Variants in RWDD3 observed in about 807,000 individuals in gnomAD.
RWDD3 encodes RWD domain-containing protein 3.
RWDD3 carries 30 observed loss-of-function variants against 26.5 expected under a neutral mutation model. The ratio of observed to expected loss-of-function variants is 1.13; its 90% CI spans 0.85 to 1.54. The LOEUF (loss-of-function observed/expected upper bound fraction) is 1.54, where lower values mean the gene tolerates loss of function less well. Ranked by LOEUF, RWDD3 falls within the 40% of genes most tolerant of loss-of-function variation. RWDD3 has a pLI of 0.00. For synonymous variants in RWDD3, 113 were observed against 114.5 expected (o/e 0.99, Z 0.09); for missense variants, 296 against 309.1 (o/e 0.96, Z 0.32).
intron 2 of RWDD3, chr1:95,246,155 C>G (rs530475053): frequency 6.3e-6 from 1 of 157,704 alleles, no homozygotes; most frequent in Admixed American, 6.3e-5. Context: ...GGCGCTATAT[C>G]TAGATACTCC....
upstream of RWDD3, chr1:95,234,161 G>C (rs1680172607): frequency 1.3e-6 from 2 of 1,493,756 alleles, no homozygotes; most frequent in Admixed American, 2.0e-5. Flanking sequence ...GGGCAGTGCT[G>C]CTCCTGGCCG....
At position 95,244,217 on chromosome 1, in the gene RWDD3, A is replaced by G. The variant is rs755803857; in HGVS notation, c.92A>G (p.Asp31Gly). 134 of 1,613,400 alleles carry G rather than the reference A, an allele frequency of 8.3e-5. No homozygotes were observed. Among genetic ancestry groups the G allele is most frequent in the Admixed American group, 1.2e-4 (7 of 60,002 alleles). Residue 31 changes from aspartate (D) to glycine (G), a missense_variant, in exon 2 of 4, where the codon GAT (aspartate) becomes GGT (glycine). Coordinates refer to ENST00000370202, the MANE Select transcript of RWDD3 (RefSeq NM_015485.5). ...ATTTTTGGATGCCTTCCAGAGACAGATGGGACCGTGTTCAGAATTCACACA... is the reference window on the plus strand; with the variant it reads ...ATTTTTGGATGCCTTCCAGAGACAGGTGGGACCGTGTTCAGAATTCACACA... ...EWEVLSRSETDGTVFRIHTKA... is the reference protein window; with the variant it reads ...EWEVLSRSETGGTVFRIHTKA...
chr1:95,235,263 A>G (rs1234285445), intron 1 of RWDD3, among the ~76,000 whole-genome samples: 1 of 145,044 alleles, frequency 6.9e-6, no homozygotes, highest in African/African-American at 2.6e-5. Flanking sequence ...CGTGTTAGCC[A>G]GGATGGTCTC....
At position 95,234,275 on chromosome 1, in the gene RWDD3, T is replaced by A. The variant is rs1451450580; in HGVS notation, c.45T>A (p.Ile15=). The A allele has an allele frequency of 6.3e-7, 1 of 1,599,544 alleles. No individual in the cohort carries two copies. The highest frequency in any genetic ancestry group is 1.1e-5 in the South Asian group (1 of 88,184). Residue 15 remains isoleucine, a synonymous_variant, in exon 1 of 4, where the codon ATT becomes ATA. Coordinates refer to ENST00000370202, the MANE Select transcript of RWDD3 (RefSeq NM_015485.5). ...VQEELSVLAA[I]FCRPHEWEVL... ...AGGAGCTCTCGGTCCTGGCCGCGAT[T>A]TTCTGCAGGCCCCACGAGTGGGAGG...
intron 1 of RWDD3, among the ~76,000 whole-genome samples, chr1:95,236,096 C>T (rs1463348435): frequency 4.6e-5 from 7 of 152,050 alleles, no homozygotes; most frequent in South Asian, 2.1e-4. Flanking sequence ...GAGGCCGAGG[C>T]GGGCAGATCA....
intron 1 of RWDD3, among the ~76,000 whole-genome samples, chr1:95,242,453 C>T (rs1430316500): frequency 6.6e-6 from 1 of 152,148 alleles, no homozygotes; most frequent in Non-Finnish European, 1.5e-5. Flanking sequence ...AAAAGTTCTC[C>T]TCCTTCTTGA....
chr1:95,234,387 A>AC, intron 1 of RWDD3, 72 bp downstream of exon 1: 1 of 1,416,012 alleles, frequency 7.1e-7, no homozygotes, highest in Non-Finnish European at 9.7e-7. Context: ...TCTCCTCCCC[A>AC]CCACGGAGCC....
intron 1 of RWDD3, chr1:95,237,392 T>A (rs1680405868): frequency 6.6e-6 from 1 of 152,258 alleles, no homozygotes; most frequent in African/African-American, 2.4e-5. Context: ...TGCAGAGGAA[T>A]TGCATTCCTG....
chr1:95,235,525 A>AT (rs1363575143), intron 1 of RWDD3, among the ~76,000 whole-genome samples: 2 of 145,258 alleles, frequency 1.4e-5, no homozygotes, highest in African/African-American at 5.2e-5. Flanking sequence ...TGACTGGCTA[A>AT]TTTTTTGTAT....
At position 95,246,896 on chromosome 1, in the gene RWDD3, AAAT is replaced by A; in HGVS notation, c.*28_*30del. On this transcript the variant is annotated 3_prime_UTR_variant, in exon 4 of 4. Transcript: ENST00000370202. The stretch of plus-strand genomic sequence containing the variant: ...AATGGAAGACAGGAATCTTTTAGTA[AAAT>A]AGCAGTGTTTTTTGTTGTTTTTGCA... The A allele has an allele frequency of 7.4e-7, 1 of 1,345,230 alleles. No individual in the cohort carries two copies. Among genetic ancestry groups the A allele is most frequent in the Non-Finnish European group, 1.0e-6 (1 of 991,410 alleles). 83.3% of individuals were successfully genotyped at this position (1,345,230 alleles called of 1,614,324 possible). A position where few individuals can be genotyped will look rare whatever the true frequency, so the allele number is the denominator to read the frequency against.
chr1:95,246,557 C>T lies in RWDD3; in HGVS notation c.589C>T (p.Gln197Ter). Residue 197 changes from glutamine to a stop codon, truncating the protein, a stop_gained, in exon 3 of 4, where the codon CAG becomes TAG. Coordinates refer to ENST00000370202, the MANE Select transcript of RWDD3 (RefSeq NM_015485.5). LOFTEE classifies it high-confidence loss of function. ...TATTATTTAGGAGTACTTGATTCTT[C>T]AGAAAACCTCCAAAGTAGATGTGGA... ...RNNLKEYLILQKTSKVDVDSS... is the reference protein window; with the variant it reads ...RNNLKEYLIL The T allele has an allele frequency of 6.2e-7, 1 of 1,603,624 alleles. No individual in the cohort carries two copies. The highest frequency in any genetic ancestry group is 1.1e-5 in the South Asian group (1 of 90,628).
At position 95,246,958 on chromosome 1, in the gene RWDD3, A is replaced by G. The variant is rs956269315; in HGVS notation, c.*88A>G. ...GGGGAGTGGTTAATTGAAATAGTCA[A>G]TTTTAAAGTTTCTCTGAAGCAAAAT... On this transcript the variant is annotated 3_prime_UTR_variant, in exon 4 of 4. Transcript: ENST00000370202. The G allele has an allele frequency of 7.0e-6, 5 of 712,936 alleles. No individual in the cohort carries two copies. Among genetic ancestry groups the G allele is most frequent in the South Asian group, 5.8e-5 (2 of 34,584 alleles). 44.2% of individuals were successfully genotyped at this position (712,936 alleles called of 1,614,324 possible). A position where few individuals can be genotyped will look rare whatever the true frequency, so the allele number is the denominator to read the frequency against.
At chr1:95,246,498 A>G (rs757212603) in intron 2 of RWDD3, 44 bp from the exon 3 acceptor site, 1 of 977,696 alleles carries the variant, frequency 1.0e-6, no homozygotes, top group Non-Finnish European at 1.6e-6. Flanking sequence ...GGACTTTGAG[A>G]CTCAGAGTAA....
At chr1:95,239,128 T>A (rs1364459125) in intron 1 of RWDD3, among the ~76,000 whole-genome samples, 1 of 152,162 alleles carries the variant, frequency 6.6e-6, no homozygotes, top group African/African-American at 2.4e-5. Context: ...CCTTAAGTTT[T>A]CTAGGGCATA....
Position 95,244,708 on chromosome 1 carries a change from A to G in RWDD3, c.573+10A>G. On this transcript the variant is annotated intron_variant, in intron 2 of 3. Coordinates refer to ENST00000370202, the MANE Select transcript of RWDD3 (RefSeq NM_015485.5). ...CAGAAACAACCTCAAGGTGCCAAAA[A>G]GTTAAATGTTGAGTATGAATCTGGC... is the stretch of plus-strand genomic sequence containing the variant. 1.2e-6 allele frequency: 2 copies of G among 1,609,342 alleles called. No individual in the cohort carries two copies. The highest frequency in any genetic ancestry group is 1.7e-5 in the Admixed American group (1 of 59,426).
Position 95,234,315 on chromosome 1 carries a change from G to A in RWDD3, c.85G>A (p.Glu29Lys). ...CGAGTGGGAGGTGCTGAGCCGCTCAGGTGACTACCCGCGCGCGGGAGGGAC... is the reference window on the plus strand; with the variant it reads ...CGAGTGGGAGGTGCTGAGCCGCTCAAGTGACTACCCGCGCGCGGGAGGGAC... Reference protein sequence around the residue: ...PHEWEVLSRSETDGTVFRIHT... With the variant: ...PHEWEVLSRSKTDGTVFRIHT... Residue 29 changes from glutamate (E) to lysine (K), a missense_variant and splice_region_variant, in exon 1 of 4, where the codon GAG becomes AAG. Glu to Lys is a moderately conservative substitution (Grantham distance 56). Coordinates refer to ENST00000370202, the MANE Select transcript of RWDD3 (RefSeq NM_015485.5). 1 of 1,591,010 alleles carries A rather than the reference G, an allele frequency of 6.3e-7. No individual in the cohort carries two copies. Among genetic ancestry groups the A allele is most frequent in the Non-Finnish European group, 8.6e-7 (1 of 1,168,828 alleles).
chr1:95,244,325 G>T lies in RWDD3; in HGVS notation c.200G>T (p.Gly67Val), dbSNP rs1178523395. ...GTCAATTATCCTTCATGTCTACCTGGTATCTCGATTAACTCTGAACAGTTG... is the reference window on the plus strand; with the variant it reads ...GTCAATTATCCTTCATGTCTACCTGTTATCTCGATTAACTCTGAACAGTTG... The part of the protein sequence containing the change: ...LPVNYPSCLP[G>V]ISINSEQLTR... The change falls in exon 2 of 4, where the codon GGT becomes GTT. Residue 67 changes from glycine to valine, a missense_variant. By Grantham distance (109) the Gly-to-Val change is moderately radical. Transcript: ENST00000370202. The T allele has an allele frequency of 1.9e-6, 3 of 1,614,012 alleles. No individual in the cohort carries two copies. The highest frequency in any genetic ancestry group is 2.5e-6 in the Non-Finnish European group (3 of 1,180,044).
intron 2 of RWDD3, 137 bp downstream of exon 2, chr1:95,244,835 TCTTC>T (rs1469796104): frequency 3.1e-6 from 3 of 969,052 alleles, no homozygotes; most frequent in African/African-American, 3.3e-5. Context: ...TCTTAATGGA[TCTTC>T]CTTTTCTTTT....
In RWDD3 at chr1:95,237,948, C is replaced by T. The variant is rs114536228; in HGVS notation, c.85+3633C>T. 3.4e-3 allele frequency among the ~76,000 whole-genome samples: 524 copies of T among 152,226 alleles called. 1 individual carries two copies. The highest frequency in any genetic ancestry group is 6.3e-3 in the Non-Finnish European group (432 of 68,032). ...CAAGGAAATACTTGTGCAGAAAGAG[C>T]GATAATGAGCACCCAGAGAAAAGAT... On this transcript the variant is annotated intron_variant, in intron 1 of 3. Coordinates refer to ENST00000370202, the MANE Select transcript of RWDD3 (RefSeq NM_015485.5).
Sources: allele counts gnomAD v4.1 joint callset (sites outside exome capture counted in the v4.1 genomes callset), GRCh38; gene constraint gnomAD v4.1.1; transcripts MANE v1.5; gene names NCBI Gene and HGNC (gene_info 2026-07-23, HGNC 2026-07-21).